The following POLL variants were observed in gnomAD, a reference collection of about 807,000 sequenced individuals.
The protein encoded by POLL is DNA polymerase beta-2.
Under a neutral mutation model 58.1 loss-of-function variants are expected in POLL, and 44 were observed. The ratio of observed to expected loss-of-function variants is 0.76; its 90% CI spans 0.60 to 0.97. The LOEUF (loss-of-function observed/expected upper bound fraction) is 0.97. Ranked by LOEUF, POLL falls within the 50% of genes least tolerant of loss-of-function variation. POLL has a pLI of 0.00. For synonymous variants in POLL, 290 were observed against 283.2 expected (o/e 1.02, Z -0.24); for missense variants, 632 against 736.8 (o/e 0.86, Z 1.65).
At chr10:101,582,715 C>T (rs2063068494) in intron 7 of POLL, 48 bp downstream of exon 7, 1 of 1,602,162 alleles carries the variant, frequency 6.2e-7, no homozygotes, top group South Asian at 1.1e-5. Flanking sequence ...GACCCAAGAC[C>T]TTACAGCAGG....
chr10:101,586,521 T>C (rs927427807), intron 2 of POLL, among the ~76,000 whole-genome samples: 5 of 152,218 alleles, frequency 3.3e-5, no homozygotes, highest in African/African-American at 1.2e-4. Flanking sequence ...TTGGAGACAG[T>C]CTCACTCTGT....
In POLL at chr10:101,579,725, G is replaced by A. The variant is rs751854163; in HGVS notation, c.1456C>T (p.His486Tyr). Residue 486 changes from histidine (H) to tyrosine (Y), a missense_variant, in exon 9 of 9, where the codon CAC (histidine) becomes TAC (tyrosine). His to Tyr is a moderately conservative substitution (Grantham distance 83). Coordinates refer to ENST00000370162, the MANE Select transcript of POLL (RefSeq NM_001174084.2). This position sits in a 1 kb window ranked among gnomAD's most constrained non-coding sequence, Gnocchi z 4.4. ...ACCACGATGATGTCCAGGCGCCGGT[G>A]CCGCCGCCCTGGCCCTGGGAGCCGG... ...VCRLPGPGRR[H>Y]RRLDIIVVPY... 6.2e-7 allele frequency: 1 copy of A among 1,613,746 alleles called. No homozygotes were observed. The highest frequency in any genetic ancestry group is 8.5e-7 in the Non-Finnish European group (1 of 1,179,992).
rs1200393934 is a variant in POLL at position 101,588,185 on chromosome 10, G to C, written c.-410C>G. ...GGCCAAGCTAGTCACCCGGGGGTGG[G>C]CAGGAATAGACCACTTACCAGCAGA... On this transcript the variant is annotated 5_prime_UTR_variant, in exon 1 of 9. Coordinates refer to ENST00000370162, the MANE Select transcript of POLL (RefSeq NM_001174084.2). 4 of 1,530,496 alleles carry C rather than the reference G, an allele frequency of 2.6e-6. No homozygotes were observed. The highest frequency in any genetic ancestry group is 3.5e-6 in the Non-Finnish European group (4 of 1,140,790). 94.8% of individuals were successfully genotyped at this position (1,530,496 alleles called of 1,614,324 possible).
At position 101,580,527 on chromosome 10, in the gene POLL, C is replaced by G; in HGVS notation, c.1195-111G>C. On this transcript the variant is annotated intron_variant, in intron 7 of 8. Coordinates refer to ENST00000370162, the MANE Select transcript of POLL (RefSeq NM_001174084.2). The surrounding 1 kb of genome is among the most constrained non-coding windows in gnomAD (Gnocchi z 4.1). The stretch of plus-strand genomic sequence containing the variant: ...CCCACACCCTCAGCTTATGCCCATT[C>G]CAGATGCCTGCTGCAAGCCCAGGGG... 2 of 912,366 alleles carry G rather than the reference C, an allele frequency of 2.2e-6. No individual in the cohort carries two copies. The highest frequency in any genetic ancestry group is 3.3e-6 in the Non-Finnish European group (2 of 597,540). The allele number at this position is 912,366 out of a possible 1,614,324, so 56.5% of individuals were successfully genotyped here.
intron 7 of POLL, chr10:101,582,080 G>C (rs142642613): frequency 6.6e-6 from 1 of 152,134 alleles, no homozygotes; most frequent in East Asian, 1.9e-4. Flanking sequence ...GGCTGGTCTC[G>C]AGCTCCTGAG....
Position 101,579,683 on chromosome 10 carries a change from C to A in POLL, c.1498G>T (p.Ala500Ser). The A allele has an allele frequency of 6.2e-7, 1 of 1,613,908 alleles. No homozygotes were observed. Among genetic ancestry groups the A allele is most frequent in the Non-Finnish European group, 8.5e-7 (1 of 1,180,014 alleles). ...CCGGTGAAGTAGAGCAGGGCACAGGCAAACTCGCTATAGGGCACCACGATG... is the reference window on the plus strand; with the variant it reads ...CCGGTGAAGTAGAGCAGGGCACAGGAAAACTCGCTATAGGGCACCACGATG... ...DIIVVPYSEF[A>S]CALLYFTGSA... Residue 500 changes from alanine (A) to serine (S), a missense_variant, in exon 9 of 9, where the codon GCC becomes TCC. Coordinates refer to ENST00000370162, the MANE Select transcript of POLL (RefSeq NM_001174084.2). This position sits in a 1 kb window ranked among gnomAD's most constrained non-coding sequence, Gnocchi z 4.4.
In POLL at chr10:101,584,909, T is replaced by G; in HGVS notation, c.584A>C (p.Asp195Ala). The G allele has an allele frequency of 7.0e-7, 1 of 1,421,476 alleles. No individual in the cohort carries two copies. Among genetic ancestry groups the G allele is most frequent in the Non-Finnish European group, 9.3e-7 (1 of 1,080,514 alleles). The allele number at this position is 1,421,476 out of a possible 1,614,324, so 88.1% of individuals were successfully genotyped here. A position where few individuals can be genotyped will look rare whatever the true frequency, so the allele number is the denominator to read the frequency against. The change falls in exon 5 of 9, where the codon GAT becomes GCT. Residue 195 changes from aspartate (D) to alanine (A), a missense_variant. Coordinates refer to ENST00000370162, the MANE Select transcript of POLL (RefSeq NM_001174084.2). ...TTCTTCCCCATCACTGGCTTCATCA[T>G]CAGAGATGGGCTTGGGATAGAGAAG... Reference protein sequence around the residue: ...APNTQAQPISDDEASDGEETQ... With the variant: ...APNTQAQPISADEASDGEETQ...
Position 101,579,587 on chromosome 10 carries a change from G to T in POLL, c.1594C>A (p.Leu532Ile). 1 of 1,614,066 alleles carries T rather than the reference G, an allele frequency of 6.2e-7. No individual in the cohort carries two copies. The change falls in exon 9 of 9, where the codon CTC becomes ATC. Residue 532 changes from leucine (L) to isoleucine (I), a missense_variant. Physicochemically the swap from Leu to Ile is conservative, Grantham distance 5. Transcript: ENST00000370162. This position sits in a 1 kb window ranked among gnomAD's most constrained non-coding sequence, Gnocchi z 4.4. ...TKGMSLSEHALSTAVVRNTHG... is the reference protein window; with the variant it reads ...TKGMSLSEHAISTAVVRNTHG... ...GTGTTCCGGACCACAGCAGTGCTGAGGGCATGTTCTGACAGACTCATGCCC... is the reference window on the plus strand; with the variant it reads ...GTGTTCCGGACCACAGCAGTGCTGATGGCATGTTCTGACAGACTCATGCCC...
rs769035550 is a variant in POLL at position 101,579,649 on chromosome 10, T to C, written c.1532A>G (p.His511Arg). ...CALLYFTGSA[H>R]FNRSMRALAK... Reference sequence around the variant, plus strand: ...CAGGGCTCGCATGGAGCGGTTGAAGTGTGCAGAGCCGGTGAAGTAGAGCAG... The same window carrying C: ...CAGGGCTCGCATGGAGCGGTTGAAGCGTGCAGAGCCGGTGAAGTAGAGCAG... The change falls in exon 9 of 9, where the codon CAC (histidine) becomes CGC (arginine). Residue 511 changes from histidine to arginine, a missense_variant. His to Arg is a conservative substitution (Grantham distance 29, BLOSUM62 0). Coordinates refer to ENST00000370162, the MANE Select transcript of POLL (RefSeq NM_001174084.2). This position sits in a 1 kb window ranked among gnomAD's most constrained non-coding sequence, Gnocchi z 4.4. 138 of 1,613,748 alleles carry C rather than the reference T, an allele frequency of 8.6e-5. 1 individual carries two copies. The highest frequency in any genetic ancestry group is 1.2e-4 in the African/African-American group (9 of 74,878).
chr10:101,583,693 G>A lies in POLL; in HGVS notation c.892-12C>T, dbSNP rs1260920492. The A allele has an allele frequency of 2.5e-6, 4 of 1,612,478 alleles. No homozygotes were observed. In the Admixed American group the frequency reaches 6.7e-5, roughly 27 times the overall value. On this transcript the variant is annotated splice_polypyrimidine_tract_variant and intron_variant, in intron 5 of 8. Transcript: ENST00000370162. ...ATACTGCAGGCCTCCTAGAGGAGGAGGAGGCAGAGGCAAGAAAGAAGAGTG... is the reference window on the plus strand; with the variant it reads ...ATACTGCAGGCCTCCTAGAGGAGGAAGAGGCAGAGGCAAGAAAGAAGAGTG...
rs772819160 is a variant in POLL at position 101,587,202 on chromosome 10, T to A, written c.115+44A>T. 2.0e-5 allele frequency: 32 copies of A among 1,613,584 alleles called. No homozygotes were observed. The Admixed American group carries it at 5.2e-4, about 26-fold the overall frequency. On this transcript the variant is annotated intron_variant, in intron 2 of 8. Coordinates refer to ENST00000370162, the MANE Select transcript of POLL (RefSeq NM_001174084.2). ...ACGTAGGGCTGAAGCACATGAAGGC[T>A]GTGGGTTCAAGCACACGAGGGTTCT...
At position 101,580,353 on chromosome 10, in the gene POLL, G is replaced by A. The variant is rs374718867; in HGVS notation, c.1258C>T (p.Arg420Trp). ...ACATCACCACAGGTCGCCTTTCCCC[G>A]TCGGTATGAACCACATGCCACACAC... is the stretch of plus-strand genomic sequence containing the variant. ...LLCVACGSYRRGKATCGDVDV... is the reference protein window; with the variant it reads ...LLCVACGSYRWGKATCGDVDV... The change falls in exon 8 of 9, where the codon CGG becomes TGG. Residue 420 changes from arginine (R) to tryptophan (W), a missense_variant. Transcript: ENST00000370162. This position sits in a 1 kb window ranked among gnomAD's most constrained non-coding sequence, Gnocchi z 4.1. The A allele has an allele frequency of 3.1e-5, 50 of 1,613,898 alleles. No individual in the cohort carries two copies. Among genetic ancestry groups the A allele is most frequent in the Non-Finnish European group, 4.2e-5 (49 of 1,179,966 alleles).
chr10:101,585,177 T>G, intron 4 of POLL, 139 bp downstream of exon 4: 1 of 705,352 alleles, frequency 1.4e-6, no homozygotes, highest in Non-Finnish European at 2.3e-6. Context: ...TGATGAGTGT[T>G]GGGAAGAGCT....
rs1411722360 is a variant in POLL at position 101,588,073 on chromosome 10, G to A, written c.-298C>T. On this transcript the variant is annotated 5_prime_UTR_variant, in exon 1 of 9. Transcript: ENST00000370162. ...GGCGCAGGCCAGGGAATCCCAGCTCGGGGCTAGAAGAAAGCTGGAGTGCCC... is the reference window on the plus strand; with the variant it reads ...GGCGCAGGCCAGGGAATCCCAGCTCAGGGCTAGAAGAAAGCTGGAGTGCCC... The A allele has an allele frequency of 1.4e-6, 2 of 1,469,372 alleles. No individual in the cohort carries two copies. Among genetic ancestry groups the A allele is most frequent in the East Asian group, 5.7e-5 (2 of 35,106 alleles). 91.0% of individuals were successfully genotyped at this position (1,469,372 alleles called of 1,614,324 possible). A position where few individuals can be genotyped will look rare whatever the true frequency, so the allele number is the denominator to read the frequency against.
chr10:101,585,265 G>A, intron 4 of POLL, 51 bp downstream of exon 4: 1 of 1,462,154 alleles, frequency 6.8e-7, no homozygotes, highest in Non-Finnish European at 9.1e-7. Context: ...CCCCATTTCT[G>A]TGATCTGCTT....
In POLL at chr10:101,579,672, C is replaced by G; in HGVS notation, c.1509G>C (p.Leu503=). ...VVPYSEFACA[L]LYFTGSAHFN... is the part of the protein sequence containing the mutation. Reference sequence around the variant, plus strand: ...AGTGTGCAGAGCCGGTGAAGTAGAGCAGGGCACAGGCAAACTCGCTATAGG... The same window carrying G: ...AGTGTGCAGAGCCGGTGAAGTAGAGGAGGGCACAGGCAAACTCGCTATAGG... Residue 503 remains leucine, a synonymous_variant, in exon 9 of 9, where the codon CTG becomes CTC. Coordinates refer to ENST00000370162, the MANE Select transcript of POLL (RefSeq NM_001174084.2). The surrounding 1 kb of genome is among the most constrained non-coding windows in gnomAD (Gnocchi z 4.4). 6.2e-7 allele frequency: 1 copy of G among 1,613,918 alleles called. No individual in the cohort carries two copies. The highest frequency in any genetic ancestry group is 1.7e-4 in the Middle Eastern group (1 of 6,060).
At chr10:101,586,233 T>A (rs2063326847) in intron 2 of POLL, 77 bp from the exon 3 acceptor site, 1 of 1,276,078 alleles carries the variant, frequency 7.8e-7, no homozygotes, top group South Asian at 1.3e-5. Flanking sequence ...ACGACATAAC[T>A]TCTAACATGA....
At chr10:101,585,793 T>G (rs2063292917) in intron 3 of POLL, 69 bp downstream of exon 3, 1 of 1,323,032 alleles carries the variant, frequency 7.6e-7, no homozygotes, top group Admixed American at 2.5e-5. Context: ...TAGTTATTTT[T>G]AATAATTCAA....
Position 101,580,204 on chromosome 10 carries a change from T to C in POLL, c.1363+44A>G, listed in dbSNP as rs1000400356. The C allele has an allele frequency of 6.4e-7, 1 of 1,570,122 alleles. No individual in the cohort carries two copies. On this transcript the variant is annotated intron_variant, in intron 8 of 8. Transcript: ENST00000370162. This position sits in a 1 kb window ranked among gnomAD's most constrained non-coding sequence, Gnocchi z 4.1. ...CCCTCTGAGGGGGCCCCCAGACCTG[T>C]GCTGCCCTCTGTCAACCTGCTCACC...
Sources: allele counts gnomAD v4.1 joint callset (sites outside exome capture counted in the v4.1 genomes callset), GRCh38; gene constraint gnomAD v4.1.1; non-coding constraint Gnocchi (gnomAD v3.1); transcripts MANE v1.5; gene names NCBI Gene and HGNC (gene_info 2026-07-23, HGNC 2026-07-21).